CDC40: variants seen among roughly 807,000 people sequenced by gnomAD.
The protein encoded by CDC40 is pre-mRNA-processing factor 17.
CDC40 carries 27 observed loss-of-function variants against 80.6 expected under a neutral mutation model. That is an observed-to-expected ratio of 0.33 (90% CI 0.25 to 0.46). CDC40 has a LOEUF of 0.46. Ranked by LOEUF, CDC40 falls within the 20% of genes least tolerant of loss-of-function variation. The pLI is 1.00. For missense variants in CDC40, 486 were observed against 694.1 expected (o/e 0.70, Z 3.37); for synonymous variants, 221 against 232.6 (o/e 0.95, Z 0.45).
chr6:110,228,068 T>C (rs1414345993), intron 13 of CDC40, among the ~76,000 whole-genome samples: 1 of 152,222 alleles, frequency 6.6e-6, no homozygotes, highest in Non-Finnish European at 1.5e-5. Context: ...CTGTATGGTA[T>C]AGCCTGTTGC....
At chr6:110,207,398 T>A in intron 3 of CDC40, 108 bp from the exon 4 acceptor site, 1 of 644,582 alleles carries the variant, frequency 1.6e-6, no homozygotes. Flanking sequence ...TAGAGATCAT[T>A]TTTGACATCT....
chr6:110,183,060 G>A (rs773706314), intron 1 of CDC40, among the ~76,000 whole-genome samples: 3 of 152,136 alleles, frequency 2.0e-5, no homozygotes, highest in Admixed American at 6.5e-5. Context: ...TTTTGCCCAC[G>A]CTAGTCTTTC....
At chr6:110,212,998 T>A in intron 7 of CDC40, 88 bp from the exon 8 acceptor site, 1 of 905,454 alleles carries the variant, frequency 1.1e-6, no homozygotes, top group South Asian at 1.3e-5. Context: ...CAAATTAGGC[T>A]GCTTAATATA....
chr6:110,228,226 C>G (rs770943599), intron 13 of CDC40, among the ~76,000 whole-genome samples: 1 of 152,144 alleles, frequency 6.6e-6, no homozygotes, highest in Non-Finnish European at 1.5e-5. Context: ...TCTTATGGGA[C>G]CACTGTCATA....
rs551387165 is a variant in CDC40 at position 110,195,685 on chromosome 6, C to T, written c.276+2417C>T. On this transcript the variant is annotated intron_variant, in intron 2 of 14. Coordinates refer to ENST00000307731, the MANE Select transcript of CDC40 (RefSeq NM_015891.3). ...CATTGTTATTTTTATTAATTATTGGCATTGGTGGCTAGGTAGGCTTTTATG... is the reference window on the plus strand; with the variant it reads ...CATTGTTATTTTTATTAATTATTGGTATTGGTGGCTAGGTAGGCTTTTATG... 9.2e-5 allele frequency among the ~76,000 whole-genome samples: 14 copies of T among 152,130 alleles called. No homozygotes were observed. The East Asian group carries it at 2.3e-3, about 25-fold the overall frequency.
chr6:110,201,935 T>C (rs79342741), intron 3 of CDC40, among the ~76,000 whole-genome samples: 236 of 152,348 alleles, frequency 1.5e-3, no homozygotes, highest in African/African-American at 5.5e-3. Flanking sequence ...ACCAGAATGC[T>C]CTTTGTTGTC....
chr6:110,188,648 GGGCTCAGC>G (rs1777305051), intron 1 of CDC40, among the ~76,000 whole-genome samples: 2 of 152,162 alleles, frequency 1.3e-5, no homozygotes, highest in Admixed American at 1.3e-4. Flanking sequence ...TGTATCTGTT[GGGCTCAGC>G]CAAACAGATG....
intron 2 of CDC40, among the ~76,000 whole-genome samples, chr6:110,195,994 G>A (rs183112643): frequency 1.4e-4 from 21 of 152,264 alleles, no homozygotes; most frequent in African/African-American, 5.1e-4. Flanking sequence ...GAAAAGAACA[G>A]GGATATAGAT....
intron 8 of CDC40, among the ~76,000 whole-genome samples, chr6:110,214,741 A>AT (rs1247553598): frequency 7.2e-5 from 11 of 152,216 alleles, no homozygotes; most frequent in African/African-American, 2.4e-4. Context: ...CCTTGAAGCT[A>AT]TTGTATTAAT....
Position 110,229,875 on chromosome 6 carries a change from G to T in CDC40, c.1563-79G>T. On this transcript the variant is annotated intron_variant, in intron 14 of 14. Coordinates refer to ENST00000307731, the MANE Select transcript of CDC40 (RefSeq NM_015891.3). ...TTTTTTTTTAATGTTAACGTGAAAA[G>T]ATAACGTCCCTATTCCTCATTCGCC... 3.5e-6 allele frequency: 3 copies of T among 856,690 alleles called. No homozygotes were observed. In the South Asian group the frequency reaches 4.9e-5, roughly 14 times the overall value. The allele number at this position is 856,690 out of a possible 1,614,324, so 53.1% of individuals were successfully genotyped here. A position where few individuals can be genotyped will look rare whatever the true frequency, so the allele number is the denominator to read the frequency against.
chr6:110,204,460 T>G (rs1777535830), intron 3 of CDC40, among the ~76,000 whole-genome samples: 1 of 152,236 alleles, frequency 6.6e-6, no homozygotes, highest in East Asian at 1.9e-4. Context: ...AAGTGCATTT[T>G]AAAACATGGT....
intron 9 of CDC40, among the ~76,000 whole-genome samples, chr6:110,216,215 C>T (rs555926217): frequency 2.6e-5 from 4 of 152,278 alleles, no homozygotes; most frequent in African/African-American, 9.6e-5. Flanking sequence ...AGCTTTGTGA[C>T]AAACCAGATT....
intron 6 of CDC40, 135 bp downstream of exon 6, chr6:110,210,938 AT>A (rs1322577187): frequency 6.1e-5 from 22 of 361,452 alleles, no homozygotes; most frequent in African/African-American, 3.6e-4. Context: ...GTGTTGGACA[AT>A]TTGTATCCCA....
chr6:110,217,360 A>T (rs1346170225), intron 9 of CDC40, among the ~76,000 whole-genome samples: 1 of 152,208 alleles, frequency 6.6e-6, no homozygotes, highest in African/African-American at 2.4e-5. Flanking sequence ...ACATTTCCAT[A>T]AATTCTTGGC....
chr6:110,222,987 A>G (rs1001253741), intron 12 of CDC40, among the ~76,000 whole-genome samples: 6 of 152,248 alleles, frequency 3.9e-5, no homozygotes, highest in Non-Finnish European at 8.8e-5. Flanking sequence ...CATTTTATGT[A>G]TAAGGAAATA....
chr6:110,214,423 A>T (rs1777674468), intron 8 of CDC40, among the ~76,000 whole-genome samples: 1 of 152,254 alleles, frequency 6.6e-6, no homozygotes. Context: ...AAGAGGAAGC[A>T]TACCTTAGTA....
intron 2 of CDC40, among the ~76,000 whole-genome samples, chr6:110,199,380 G>C (rs1031094405): frequency 3.9e-5 from 6 of 151,968 alleles, no homozygotes; most frequent in Non-Finnish European, 7.4e-5. Flanking sequence ...CGGATACGAG[G>C]TCAGGAGATC....
In CDC40 at chr6:110,230,069, C is replaced by G; in HGVS notation, c.1678C>G (p.Pro560Ala). The part of the protein sequence containing the change: ...DKVCIGAVWH[P>A]HETSKVITCG... The stretch of plus-strand genomic sequence containing the variant: ...AGTGTGTATAGGTGCAGTGTGGCAT[C>G]CTCATGAAACTTCTAAGGTCATAAC... Residue 560 changes from proline to alanine, a missense_variant, in exon 15 of 15, where the codon CCT (proline) becomes GCT (alanine). Transcript: ENST00000307731. 6.2e-7 allele frequency: 1 copy of G among 1,612,292 alleles called. No individual in the cohort carries two copies. The highest frequency in any genetic ancestry group is 1.1e-5 in the South Asian group (1 of 91,040).
intron 2 of CDC40, among the ~76,000 whole-genome samples, chr6:110,194,362 G>A (rs1777390845): frequency 6.6e-6 from 1 of 152,136 alleles, no homozygotes. Flanking sequence ...TTTTCATTTT[G>A]TAGCATAAAT....
Sources: allele counts gnomAD v4.1 joint callset (sites outside exome capture counted in the v4.1 genomes callset), GRCh38; gene constraint gnomAD v4.1.1; transcripts MANE v1.5; gene names NCBI Gene and HGNC (gene_info 2026-07-23, HGNC 2026-07-21).